MRE11: variants seen among roughly 807,000 people sequenced by gnomAD.
MRE11 encodes MRE11 double strand break repair nuclease, also known as double-strand break repair protein MRE11.
Under a neutral mutation model 91.7 loss-of-function variants are expected in MRE11, and 62 were observed. The ratio of observed to expected loss-of-function variants is 0.68; its 90% CI spans 0.55 to 0.84. MRE11 has a LOEUF of 0.84. Among genes scored for constraint, MRE11 ranks in the 40% least tolerant of loss-of-function variants. MRE11 has a pLI of 0.00. For missense variants in MRE11, 796 were observed against 852.9 expected, an observed-to-expected ratio of 0.93 and a Z score of 0.83; for synonymous variants, 273 against 271.4, an observed-to-expected ratio of 1.01 and a Z score of -0.06.
intron 18 of MRE11, 56 bp from the exon 19 acceptor site, chr11:94,430,042 T>G (rs1244445181): frequency 6.4e-7 from 1 of 1,571,212 alleles, no homozygotes; most frequent in Non-Finnish European, 8.8e-7. Flanking sequence ...TCATCAAGTG[T>G]GCCTTTCTGG....
the MRE11 span, among the ~76,000 whole-genome samples, chr11:94,510,870 CT>C: frequency 1.3e-5 from 2 of 152,224 alleles, no homozygotes; most frequent in Admixed American, 6.5e-5. Context: ...ATGTCAACAA[CT>C]CTGTTCAAAT....
At chr11:94,479,833 A>G in intron 4 of MRE11, 72 bp from the exon 5 acceptor site, 1 of 1,197,660 alleles carries the variant, frequency 8.3e-7, no homozygotes, top group Non-Finnish European at 1.2e-6. Context: ...CTCCTCCAAA[A>G]TATTAATGCA....
At chr11:94,426,678 AAAGAG>A (rs1349809511) in intron 19 of MRE11, among the ~76,000 whole-genome samples, 4 of 152,152 alleles carry the variant, frequency 2.6e-5, no homozygotes, top group African/African-American at 9.7e-5. Context: ...AACAAAGGAA[AAAGAG>A]AAGATCCAAC....
chr11:94,462,399 G>T (rs890230646), intron 11 of MRE11, among the ~76,000 whole-genome samples: 1 of 152,142 alleles, frequency 6.6e-6, no homozygotes, highest in African/African-American at 2.4e-5. Context: ...AGCTACCAAT[G>T]ACTTTCTTCA....
At chr11:94,468,577 C>T (rs1946630025) in intron 9 of MRE11, among the ~76,000 whole-genome samples, 1 of 152,134 alleles carries the variant, frequency 6.6e-6, no homozygotes, top group Non-Finnish European at 1.5e-5. Context: ...AACTGCCTTC[C>T]TATAACTTGG....
rs1415743734 is a variant in MRE11 at position 94,419,321 on chromosome 11, T to C, written c.*804A>G. The C allele has an allele frequency of 8.6e-6, 2 of 232,870 alleles. No individual in the cohort carries two copies. The highest frequency in any genetic ancestry group is 1.7e-5 in the Non-Finnish European group (2 of 117,938). The allele number at this position is 232,870 out of a possible 1,614,324, so 14.4% of individuals were successfully genotyped here. ...TACTGTAAGGTTCAACTGACCACTC[T>C]ACCTAAAACAAATTCTTCAATATTT... On this transcript the variant is annotated 3_prime_UTR_variant, in exon 20 of 20. Coordinates refer to ENST00000323929, the MANE Select transcript of MRE11 (RefSeq NM_005591.4).
chr11:94,425,163 T>C (rs1018650514), intron 19 of MRE11, among the ~76,000 whole-genome samples: 5 of 152,124 alleles, frequency 3.3e-5, no homozygotes, highest in African/African-American at 7.2e-5. Context: ...GCAGAAACCT[T>C]ACAAGCCAGA....
chr11:94,478,992 G>A (rs1946947191), intron 5 of MRE11, 116 bp from the exon 6 acceptor site: 4 of 1,126,750 alleles, frequency 3.6e-6, no homozygotes, highest in African/African-American at 1.5e-5. Context: ...ACATAGATGA[G>A]GATAGTGTCT....
chr11:94,462,366 T>C (rs532966415), intron 11 of MRE11, among the ~76,000 whole-genome samples: 9 of 152,298 alleles, frequency 5.9e-5, no homozygotes, highest in Admixed American at 3.3e-4. Flanking sequence ...AGGTAATTTA[T>C]AGATTCAATG....
chr11:94,453,868 A>G (rs1946180086), intron 14 of MRE11, among the ~76,000 whole-genome samples: 1 of 152,152 alleles, frequency 6.6e-6, no homozygotes, highest in South Asian at 2.1e-4. Flanking sequence ...GGCCAGGTAA[A>G]CTAACGACTG....
At chr11:94,481,957 A>G (rs1044429093) in intron 4 of MRE11, among the ~76,000 whole-genome samples, 1 of 152,216 alleles carries the variant, frequency 6.6e-6, no homozygotes, top group African/African-American at 2.4e-5. Context: ...TTTTTTTAAT[A>G]GTATGCTATA....
Position 94,418,941 on chromosome 11 carries a change from G to A in MRE11, c.*1184C>T, listed in dbSNP as rs759460361. On this transcript the variant is annotated 3_prime_UTR_variant, in exon 20 of 20. Transcript: ENST00000323929. ...GGTATGACTATTCTAATGGTCATGA[G>A]TATCACTGAGTCAAGTATTTGTTTC... 2 of 230,994 alleles carry A rather than the reference G, an allele frequency of 8.7e-6. No individual in the cohort carries two copies. The highest frequency in any genetic ancestry group is 1.7e-5 in the Non-Finnish European group (2 of 116,774). 14.3% of individuals were successfully genotyped at this position (230,994 alleles called of 1,614,324 possible). A position where few individuals can be genotyped will look rare whatever the true frequency, so the allele number is the denominator to read the frequency against.
Position 94,493,742 on chromosome 11 carries a change from G to A in MRE11, c.-106+49C>T, listed in dbSNP as rs13447583. The A allele has an allele frequency of 9.6e-3, 1,460 of 152,398 alleles. 23 individuals are homozygous for A. Among genetic ancestry groups the A allele is most frequent in the African/African-American group, 0.034 (1,407 of 41,576 alleles). 9.4% of individuals were successfully genotyped at this position (152,398 alleles called of 1,614,324 possible). ...CGACCCAAGGCTGTCTTCTTTTCGG[G>A]AAGAAAGGGCAGGATCCGTGAAAAG... On this transcript the variant is annotated intron_variant, in intron 1 of 19. Transcript: ENST00000323929.
At chr11:94,437,595 G>A (rs1252903333) in intron 16 of MRE11, among the ~76,000 whole-genome samples, 3 of 152,086 alleles carry the variant, frequency 2.0e-5, no homozygotes, top group South Asian at 4.1e-4. Context: ...TGTTGTTGAC[G>A]ATACCTTTAT....
the MRE11 span, among the ~76,000 whole-genome samples, chr11:94,511,128 T>C: frequency 6.6e-6 from 1 of 152,120 alleles, no homozygotes. Context: ...TACAGAGATA[T>C]AAAAAAGGAA....
chr11:94,496,189 G>A (rs1045546139), upstream of MRE11, among the ~76,000 whole-genome samples: 1 of 152,058 alleles, frequency 6.6e-6, no homozygotes, highest in African/African-American at 2.4e-5. Context: ...CTGATTCTTC[G>A]AAATAGTATT....
chr11:94,479,547 G>C, intron 5 of MRE11, 127 bp downstream of exon 5: 4 of 779,032 alleles, frequency 5.1e-6, no homozygotes, highest in Non-Finnish European at 6.5e-6. Flanking sequence ...GTATGAATGT[G>C]AAAAGTCAAC....
intron 6 of MRE11, 41 bp downstream of exon 6, chr11:94,478,694 A>G: frequency 6.2e-7 from 1 of 1,607,526 alleles, no homozygotes; most frequent in Non-Finnish European, 8.5e-7. Context: ...TTGTTTAAAG[A>G]ATCACACATG....
intron 18 of MRE11, among the ~76,000 whole-genome samples, chr11:94,430,721 G>A (rs916625292): frequency 4.6e-5 from 7 of 151,806 alleles, no homozygotes; most frequent in African/African-American, 9.7e-5. Context: ...CGCCCACCTC[G>A]GCCTCCCAAA....
Sources: allele counts gnomAD v4.1 joint callset (sites outside exome capture counted in the v4.1 genomes callset), GRCh38; gene constraint gnomAD v4.1.1; transcripts MANE v1.5; gene names NCBI Gene and HGNC (gene_info 2026-07-23, HGNC 2026-07-21).